CDH13: variants seen among roughly 807,000 people sequenced by gnomAD.
The protein encoded by CDH13 is cadherin-13.
A neutral mutation model predicts 63.8 loss-of-function variants in CDH13; 24 were observed. The observed-to-expected ratio is 0.38, with a 90% CI of 0.27 to 0.53. CDH13 has a LOEUF of 0.53. CDH13 is among the 20% of genes least tolerant of loss of function. CDH13 has a pLI of 0.85. For synonymous variants in CDH13, 503 were observed against 355.3 expected (o/e 1.42, Z -4.67); for missense variants, 1,049 against 903.1 (o/e 1.16, Z -2.07).
chr16:83,409,976 G>T (rs1441289293), intron 6 of CDH13, among the ~76,000 whole-genome samples: 1 of 152,198 alleles, frequency 6.6e-6, no homozygotes, highest in African/African-American at 2.4e-5. Context: ...CCTTAAGAAG[G>T]CTAGTGGGCC....
intron 2 of CDH13, among the ~76,000 whole-genome samples, chr16:82,939,477 G>A (rs1444066752): frequency 2.7e-5 from 4 of 150,470 alleles, no homozygotes; most frequent in Non-Finnish European, 5.9e-5. Context: ...GAGAGAGGGA[G>A]GGAGGGAGGG....
intron 11 of CDH13, among the ~76,000 whole-genome samples, chr16:83,753,264 C>T (rs1423913669): frequency 6.6e-6 from 1 of 152,136 alleles, no homozygotes; most frequent in Non-Finnish European, 1.5e-5. Context: ...AGTTAGTAGG[C>T]CAAGCAAGGT....
chr16:83,062,185 C>T (rs207476222), intron 3 of CDH13, among the ~76,000 whole-genome samples: 1 of 152,180 alleles, frequency 6.6e-6, no homozygotes, highest in Non-Finnish European at 1.5e-5. Context: ...ATTTTACTGT[C>T]TGGTTAAATA....
At position 83,648,464 on chromosome 16, in the gene CDH13, G is replaced by A. The variant is rs141292768; in HGVS notation, c.1102-22326G>A. 3.7e-3 allele frequency among the ~76,000 whole-genome samples: 564 copies of A among 152,226 alleles called. 9 individuals are homozygous for A. Among genetic ancestry groups the A allele is most frequent in the African/African-American group, 0.013 (535 of 41,550 alleles). ...CTTGCCAGAATCCTTCCTGGGTGGT[G>A]TCCATGGTTCCTGCCACCCCTCCTC... On this transcript the variant is annotated intron_variant, in intron 8 of 13. Transcript: ENST00000567109.
Position 82,697,787 on chromosome 16 carries a change from G to GTGTGTT in CDH13, c.45+70651_45+70652insGTGTTT, listed in dbSNP as rs1302221385. ...TGTGTGTGTGTGTGTGTGTGTGTGT[G>GTGTGTT]TAAGTTTTTTCATGAATTCAAAACA... On this transcript the variant is annotated intron_variant, in intron 1 of 13. Coordinates refer to ENST00000567109, the MANE Select transcript of CDH13 (RefSeq NM_001257.5). Among the ~76,000 whole-genome samples the GTGTGTT allele has an allele frequency of 2.0e-3, 212 of 106,338 alleles. 1 individual carries two copies. The highest frequency in any genetic ancestry group is 8.1e-3 in the African/African-American group (199 of 24,506). 69.8% of individuals were successfully genotyped at this position (106,338 alleles called of 152,430 possible).
intron 10 of CDH13, among the ~76,000 whole-genome samples, chr16:83,695,800 G>A (rs1478465435): frequency 6.6e-6 from 1 of 152,098 alleles, no homozygotes; most frequent in Non-Finnish European, 1.5e-5. Context: ...AGATGGGTGT[G>A]ATCATCCCTG....
At chr16:83,092,362 G>T (rs1034416205) in intron 3 of CDH13, among the ~76,000 whole-genome samples, 3 of 152,312 alleles carry the variant, frequency 2.0e-5, no homozygotes, top group African/African-American at 7.2e-5. Context: ...TGTTAGTACA[G>T]ATCATCTGGG....
At chr16:83,532,637 G>A (rs780763453) in intron 7 of CDH13, among the ~76,000 whole-genome samples, 9 of 152,116 alleles carry the variant, frequency 5.9e-5, no homozygotes, top group Non-Finnish European at 1.0e-4. Flanking sequence ...CTCCACATTC[G>A]CCATGTCAGT....
At chr16:83,325,560 T>C (rs1336023387) in intron 5 of CDH13, among the ~76,000 whole-genome samples, 1 of 152,186 alleles carries the variant, frequency 6.6e-6, no homozygotes, top group Non-Finnish European at 1.5e-5. Context: ...AGACAGTAGA[T>C]ACATGAATGA....
rs200017936 is a variant in CDH13, at chr16:83,015,679, A to G, written c.158-16331A>G. ...TATATGTGTGTGTGTGTGTGTATGT[A>G]TATATATATATATATATATATATAT... On this transcript the variant is annotated intron_variant, in intron 2 of 13. Transcript: ENST00000567109. Among the ~76,000 whole-genome samples, 392 of 48,454 alleles carry G rather than the reference A, an allele frequency of 8.1e-3. 4 individuals carry two copies. Among genetic ancestry groups the G allele is most frequent in the African/African-American group, 0.011 (81 of 7,704 alleles). The allele number at this position is 48,454 out of a possible 152,430, so 31.8% of individuals were successfully genotyped here.
At chr16:83,577,572 A>C (rs1424406119) in intron 7 of CDH13, among the ~76,000 whole-genome samples, 1 of 152,202 alleles carries the variant, frequency 6.6e-6, no homozygotes, top group African/African-American at 2.4e-5. Context: ...ACTAATGGCC[A>C]TCACATCTTG....
At chr16:83,716,338 G>A (rs1392210692) in intron 10 of CDH13, among the ~76,000 whole-genome samples, 1 of 152,152 alleles carries the variant, frequency 6.6e-6, no homozygotes, top group Non-Finnish European at 1.5e-5. Context: ...GTGGGTTTGG[G>A]CAAATGTATA....
intron 3 of CDH13, among the ~76,000 whole-genome samples, chr16:83,112,668 G>T (rs1331686562): frequency 1.3e-5 from 2 of 152,072 alleles, no homozygotes; most frequent in Admixed American, 6.5e-5. Flanking sequence ...TTATTTCTCT[G>T]CACTGTGTTC....
At chr16:83,549,587 A>G (rs534596489) in intron 7 of CDH13, among the ~76,000 whole-genome samples, 24 of 146,236 alleles carry the variant, frequency 1.6e-4, no homozygotes, top group Non-Finnish European at 2.8e-4. Context: ...CCCTAACCCC[A>G]CTCCCGTAGC....
chr16:82,711,958 C>T (rs2031980273), intron 1 of CDH13, among the ~76,000 whole-genome samples: 1 of 152,176 alleles, frequency 6.6e-6, no homozygotes, highest in Non-Finnish European at 1.5e-5. Flanking sequence ...ACTAGGCAGT[C>T]AATGCTGGTT....
At chr16:83,474,154 G>A (rs111790920) in intron 6 of CDH13, among the ~76,000 whole-genome samples, 22 of 152,234 alleles carry the variant, frequency 1.4e-4, no homozygotes, top group African/African-American at 5.1e-4. Context: ...AGGGCTATTA[G>A]AAGAACTATT....
In CDH13 at chr16:83,334,310, C is replaced by G. The variant is rs570332278; in HGVS notation, c.637-10552C>G. 5.3e-5 allele frequency among the ~76,000 whole-genome samples: 8 copies of G among 150,292 alleles called. No individual in the cohort carries two copies. In the South Asian group the frequency reaches 1.1e-3, roughly 20 times the overall value. On this transcript the variant is annotated intron_variant, in intron 5 of 13. Coordinates refer to ENST00000567109, the MANE Select transcript of CDH13 (RefSeq NM_001257.5). ...CTCTCTCTCTCCCTCTCTCTCCCCC[C>G]TCTCTCCCTATCTCCCTCTCTCCCT...
At position 83,455,936 on chromosome 16, in the gene CDH13, G is replaced by T. The variant is rs563116918; in HGVS notation, c.782-30541G>T. ...GTGCTTCCAATTAATTTCATCAACA[G>T]TGTGGAATAAGAGGCATGTTGCATC... On this transcript the variant is annotated intron_variant, in intron 6 of 13. Coordinates refer to ENST00000567109, the MANE Select transcript of CDH13 (RefSeq NM_001257.5). Among the ~76,000 whole-genome samples the T allele has an allele frequency of 2.6e-5, 4 of 152,356 alleles. No homozygotes were observed. In the South Asian group the frequency reaches 8.3e-4, roughly 32 times the overall value.
At position 82,987,345 on chromosome 16, in the gene CDH13, T is replaced by TTTTTG. The variant is rs901704746; in HGVS notation, c.158-44646_158-44642dup. On this transcript the variant is annotated intron_variant, in intron 2 of 13. Coordinates refer to ENST00000567109, the MANE Select transcript of CDH13 (RefSeq NM_001257.5). ...TGCCTCATTGGCATGAATCAGCCAA[T>TTTTTG]TTTTGTTTTGTTTTGTTTTGTTTGT... Among the ~76,000 whole-genome samples the TTTTTG allele has an allele frequency of 9.9e-5, 15 of 151,432 alleles. 1 individual carries two copies. Among genetic ancestry groups the TTTTTG allele is most frequent in the South Asian group, 2.1e-4 (1 of 4,778 alleles).
Sources: gnomAD v4.1 joint callset for allele counts (sites outside exome capture counted in the v4.1 genomes callset) on GRCh38, gnomAD v4.1.1 for gene constraint, MANE v1.5 for transcripts, NCBI Gene and HGNC (gene_info 2026-07-23, HGNC 2026-07-21) for gene names.